Variants in PDE10A observed in about 807,000 individuals in gnomAD.
PDE10A encodes the protein cAMP and cAMP-inhibited cGMP 3',5'-cyclic phosphodiesterase 10A.
Under a neutral mutation model 97.7 loss-of-function variants are expected in PDE10A, and 39 were observed. The observed-to-expected ratio is 0.40, with a 90% CI of 0.31 to 0.52. The LOEUF is 0.52. PDE10A is among the 20% of genes least tolerant of loss of function. The probability of loss-of-function intolerance (pLI) is 0.56; values close to 1 mark genes in which losing one functional copy is unlikely to be tolerated. For synonymous variants in PDE10A, 371 were observed against 376.8 expected (o/e 0.98, Z 0.18); for missense variants, 731 against 1,047.8 (o/e 0.70, Z 4.17).
chr6:165,772,492 C>G (rs1042721729), intron 1 of PDE10A, among the ~76,000 whole-genome samples: 4 of 152,178 alleles, frequency 2.6e-5, no homozygotes, highest in African/African-American at 9.7e-5. Flanking sequence ...GTGGCCTTCT[C>G]TCCTCTCCTG....
At chr6:165,378,478 C>T (rs1002394516) in intron 18 of PDE10A, among the ~76,000 whole-genome samples, 5 of 152,078 alleles carry the variant, frequency 3.3e-5, no homozygotes, top group Non-Finnish European at 7.4e-5. Context: ...GGGGAGATGG[C>T]AGGTTAGCCA....
At chr6:165,765,576 C>T (rs554799026) in intron 1 of PDE10A, among the ~76,000 whole-genome samples, 4 of 152,202 alleles carry the variant, frequency 2.6e-5, no homozygotes, top group African/African-American at 7.2e-5. Context: ...CTGGCTGCTC[C>T]GAGTGCGGGG....
intron 1 of PDE10A, among the ~76,000 whole-genome samples, chr6:165,916,870 G>A (rs1289032325): frequency 6.6e-6 from 1 of 151,980 alleles, no homozygotes; most frequent in African/African-American, 2.4e-5. Context: ...TTCCTCCACC[G>A]TGGGCCACCT....
At position 165,416,236 on chromosome 6, in the gene PDE10A, C is replaced by T; in HGVS notation, c.1842G>A (p.Gly614=). Residue 614 remains glycine, a synonymous_variant, in exon 12 of 22, where the codon GGG becomes GGA. Transcript: ENST00000539869. ...KGIAGQVART[G]EVLNIPDAYA... ...AGGCATCTGGAATGTTCAGGACTTC[C>T]CCTGTTCTTGCTACTTGGCCAGCAA... The T allele has an allele frequency of 6.2e-7, 1 of 1,613,630 alleles. No individual in the cohort carries two copies. The highest frequency in any genetic ancestry group is 8.5e-7 in the Non-Finnish European group (1 of 1,179,582).
rs114111767 is a variant in PDE10A at position 165,346,500 on chromosome 6, G to T, written c.2784-2998C>A. Among the ~76,000 whole-genome samples, 445 of 152,282 alleles carry T rather than the reference G, an allele frequency of 2.9e-3. 3 individuals are homozygous for T. The highest frequency in any genetic ancestry group is 1.0e-2 in the African/African-American group (415 of 41,546). On this transcript the variant is annotated intron_variant, in intron 18 of 21. Transcript: ENST00000539869. ...AAAGAGCACAGGCTCTATCACAGGG[G>T]TGCAGATATTCCAACCTCAAAGAGG...
At chr6:165,838,935 G>A (rs1395191874) in intron 1 of PDE10A, among the ~76,000 whole-genome samples, 2 of 152,192 alleles carry the variant, frequency 1.3e-5, no homozygotes, top group Non-Finnish European at 2.9e-5. Context: ...GATACTGTCA[G>A]CTAGCTGAGT....
rs768673175 is a variant in PDE10A at position 165,339,183 on chromosome 6, AAT to A, written c.2976+93_2976+94del. The A allele has an allele frequency of 9.0e-4, 714 of 797,470 alleles. 5 individuals are homozygous for A. The highest frequency in any genetic ancestry group is 4.5e-4 in the Middle Eastern group (2 of 4,488). 49.4% of individuals were successfully genotyped at this position (797,470 alleles called of 1,614,324 possible). On this transcript the variant is annotated intron_variant, in intron 20 of 21. Transcript: ENST00000539869. ...CTGGAATAACCCATTCCCTTAACAT[AAT>A]ATATGATGACATGCTTTCCATTTAT...
chr6:165,663,859 C>T (rs907844655), upstream of PDE10A, among the ~76,000 whole-genome samples: 12 of 152,222 alleles, frequency 7.9e-5, no homozygotes, highest in African/African-American at 2.7e-4. Context: ...CCCCCACCCC[C>T]TTCCGTAGCC....
upstream of PDE10A, among the ~76,000 whole-genome samples, chr6:165,666,293 C>T (rs1375243448): frequency 6.6e-6 from 1 of 152,092 alleles, no homozygotes; most frequent in African/African-American, 2.4e-5. Context: ...AAATAATAAC[C>T]TTTCTTTATG....
In PDE10A at chr6:165,396,331, G is replaced by T; in HGVS notation, c.2205C>A (p.Cys735Ter). ...AACATACTTACAATTCAATTTCTTT[G>T]CAGAGACGCACGGGAAGGGTGAATT... The part of the protein sequence containing the change: ...LMQFTLPVRL[C>*]KEIELFHFDI... The change falls in exon 14 of 22, where the codon TGC (cysteine) becomes TGA (stop). Residue 735 changes from cysteine to a stop codon, truncating the protein, a stop_gained. Coordinates refer to ENST00000539869, the MANE Select transcript of PDE10A (RefSeq NM_001385079.1). LOFTEE classifies it high-confidence loss of function. The T allele has an allele frequency of 1.9e-6, 3 of 1,612,756 alleles. No homozygotes were observed. The highest frequency in any genetic ancestry group is 2.5e-6 in the Non-Finnish European group (3 of 1,179,324).
chr6:165,896,370 TG>T (rs1323341655), intron 1 of PDE10A, among the ~76,000 whole-genome samples: 2 of 151,540 alleles, frequency 1.3e-5, no homozygotes, highest in Non-Finnish European at 2.9e-5. Context: ...TTTTTTTTTT[TG>T]GAGATAGGGT....
Position 165,981,006 on chromosome 6 carries a change from G to A in PDE10A, c.-615+6523C>T, listed in dbSNP as rs1339732567. Reference sequence around the variant, plus strand: ...AAGCTAGCCATAGAAGTGACAGGAGGTGGCATTGTTACATAACTTTCACCT... The same window carrying A: ...AAGCTAGCCATAGAAGTGACAGGAGATGGCATTGTTACATAACTTTCACCT... On this transcript the variant is annotated intron_variant, in intron 1 of 19. Transcript: ENST00000366882. 2.0e-5 allele frequency among the ~76,000 whole-genome samples: 3 copies of A among 152,276 alleles called. No individual in the cohort carries two copies. The East Asian group carries it at 5.8e-4, about 29-fold the overall frequency.
chr6:165,825,440 C>T (rs1228281289), intron 1 of PDE10A, among the ~76,000 whole-genome samples: 1 of 152,190 alleles, frequency 6.6e-6, no homozygotes, highest in Non-Finnish European at 1.5e-5. Context: ...CCCCAAACTC[C>T]AATTTAGATC....
At chr6:165,982,528 G>A (rs899314001) in intron 1 of PDE10A, among the ~76,000 whole-genome samples, 1 of 152,216 alleles carries the variant, frequency 6.6e-6, no homozygotes. Context: ...TTTCAGAGAA[G>A]CTACAGGTAC....
In PDE10A at chr6:165,754,809, G is replaced by T. The variant is rs187095123; in HGVS notation, c.-614-211241C>A. ...TTGTTCTAATAATTAATTAGATAAA[G>T]CATCTAATGCACTCAGCTGATGATC... On this transcript the variant is annotated intron_variant, in intron 1 of 19. Coordinates refer to the PDE10A transcript ENST00000366882. Among the ~76,000 whole-genome samples, 8 of 152,210 alleles carry T rather than the reference G, an allele frequency of 5.3e-5. No homozygotes were observed. The East Asian group carries it at 1.5e-3, about 29-fold the overall frequency.
intron 3 of PDE10A, among the ~76,000 whole-genome samples, chr6:165,461,152 G>T (rs931082580): frequency 2.6e-5 from 4 of 152,156 alleles, no homozygotes; most frequent in African/African-American, 9.7e-5. Context: ...GGTAAATGGA[G>T]AATGTTAACT....
At chr6:165,703,437 G>A (rs1791630379) in intron 1 of PDE10A, among the ~76,000 whole-genome samples, 1 of 152,162 alleles carries the variant, frequency 6.6e-6, no homozygotes, top group Non-Finnish European at 1.5e-5. Context: ...CCACCACTAG[G>A]CTCCTTTTGT....
At chr6:165,456,991 G>A (rs1278291784) in intron 3 of PDE10A, among the ~76,000 whole-genome samples, 1 of 152,138 alleles carries the variant, frequency 6.6e-6, no homozygotes, top group Non-Finnish European at 1.5e-5. Flanking sequence ...AAGCAAAATT[G>A]TTATTTGGTT....
intron 3 of PDE10A, among the ~76,000 whole-genome samples, chr6:165,459,132 G>A (rs1361072926): frequency 6.6e-6 from 1 of 152,198 alleles, no homozygotes; most frequent in African/African-American, 2.4e-5. Flanking sequence ...ACAATGAAGT[G>A]ATGAAGCTAG....
Sources: allele counts gnomAD v4.1 joint callset (sites outside exome capture counted in the v4.1 genomes callset), GRCh38; gene constraint gnomAD v4.1.1; transcripts MANE v1.5; gene names NCBI Gene and HGNC (gene_info 2026-07-23, HGNC 2026-07-21).